The following MLC1 variants were observed in gnomAD, a reference collection of about 807,000 sequenced individuals.
MLC1 encodes modulator of VRAC current 1.
Under a neutral mutation model 44.7 loss-of-function variants are expected in MLC1, and 32 were observed. The observed-to-expected ratio is 0.72, with a 90% CI of 0.54 to 0.96. MLC1 has a LOEUF of 0.96. Among genes scored for constraint, MLC1 ranks in the 40% least tolerant of loss-of-function variants. MLC1 has a pLI of 0.00. For synonymous variants in MLC1, 190 were observed against 213.0 expected, an observed-to-expected ratio of 0.89 and a Z score of 0.94; for missense variants, 459 against 492.2, an observed-to-expected ratio of 0.93 and a Z score of 0.64.
At chr22:50,063,429 C>T (rs1449070771) in intron 11 of MLC1, among the ~76,000 whole-genome samples, 2 of 147,204 alleles carry the variant, frequency 1.4e-5, no homozygotes, top group African/African-American at 5.1e-5. Flanking sequence ...GCCGTGATCG[C>T]GCCACTGCAC....
intron 11 of MLC1, 126 bp downstream of exon 11, chr22:50,063,903 CGGCTG>C (rs2061639511): frequency 2.0e-6 from 2 of 1,002,116 alleles, no homozygotes; most frequent in Non-Finnish European, 2.8e-6. Flanking sequence ...CTCACCTCCC[CGGCTG>C]GGCACCCCTG....
chr22:50,084,626 T>G (rs1286171293), intron 2 of MLC1, 100 bp downstream of exon 2: 1 of 1,289,728 alleles, frequency 7.8e-7, no homozygotes, highest in Non-Finnish European at 1.1e-6. Flanking sequence ...GTCTGAGAGT[T>G]GCTCTCTCTG....
chr22:50,076,937 C>T, intron 6 of MLC1, 25 bp from the exon 7 acceptor site: 4 of 1,613,692 alleles, frequency 2.5e-6, no homozygotes, highest in Non-Finnish European at 3.4e-6. Context: ...AACTGTCACC[C>T]CGGGTGCACG....
chr22:50,074,607 C>T, intron 7 of MLC1: 1 of 458,934 alleles, frequency 2.2e-6, no homozygotes, highest in Non-Finnish European at 4.1e-6. Flanking sequence ...AGGGTATTGA[C>T]CTGACAGTGG....
At chr22:50,068,372 G>A in intron 10 of MLC1, 61 bp downstream of exon 10, 1 of 1,600,176 alleles carries the variant, frequency 6.2e-7, no homozygotes. Flanking sequence ...AGCCAGCAAG[G>A]GCCAGGCCAA....
At position 50,061,793 on chromosome 22, in the gene MLC1, T is replaced by G. The variant is rs902615922; in HGVS notation, c.1060-136A>C. On this transcript the variant is annotated intron_variant, in intron 11 of 11. Coordinates refer to ENST00000311597, the MANE Select transcript of MLC1 (RefSeq NM_015166.4). ...TCGAATGTGAAGGAAGTGGGGAAAC[T>G]AACCCCTGGGCCTCTGTGGAAAGAG... 7.6e-6 allele frequency: 6 copies of G among 786,714 alleles called. No individual in the cohort carries two copies. In the African/African-American group the frequency reaches 1.0e-4, roughly 13 times the overall value. 48.7% of individuals were successfully genotyped at this position (786,714 alleles called of 1,614,324 possible). A position where few individuals can be genotyped will look rare whatever the true frequency, so the allele number is the denominator to read the frequency against.
intron 11 of MLC1, among the ~76,000 whole-genome samples, chr22:50,062,193 C>T (rs1433058743): frequency 1.2e-4 from 16 of 132,784 alleles, no homozygotes; most frequent in African/African-American, 5.6e-4. Flanking sequence ...AGCCATCCAC[C>T]CTGAGCCCCA....
chr22:50,070,075 G>A (rs1057463055), intron 9 of MLC1, among the ~76,000 whole-genome samples: 15 of 151,966 alleles, frequency 9.9e-5, no homozygotes, highest in Admixed American at 2.0e-4. Context: ...GGTGGCAGGC[G>A]CCTATAATCC....
intron 7 of MLC1, among the ~76,000 whole-genome samples, chr22:50,076,364 G>A (rs1365368836): frequency 6.6e-6 from 1 of 152,100 alleles, no homozygotes; most frequent in African/African-American, 2.4e-5. Context: ...AGACCAGCCT[G>A]GCCAACATGC....
At position 50,074,188 on chromosome 22, in the gene MLC1, C is replaced by T. The variant is rs2038048; in HGVS notation, c.714+28G>A. On this transcript the variant is annotated intron_variant, in intron 8 of 11. Coordinates refer to ENST00000311597, the MANE Select transcript of MLC1 (RefSeq NM_015166.4). ...ATCTGAGCAGTGTGGCCCAGAGCGGCGGCGGGCGGGCCAGAGGGGTTACTC... is the reference window on the plus strand; with the variant it reads ...ATCTGAGCAGTGTGGCCCAGAGCGGTGGCGGGCGGGCCAGAGGGGTTACTC... The T allele has an allele frequency of 0.43, 680,727 of 1,576,360 alleles. 151,498 individuals carry two copies. Among genetic ancestry groups the T allele is most frequent in the Admixed American group, 0.47 (27,147 of 58,160 alleles).
intron 10 of MLC1, 67 bp from the exon 11 acceptor site, chr22:50,064,265 C>A: frequency 6.5e-7 from 1 of 1,533,584 alleles, no homozygotes. Flanking sequence ...CCAAAGCTCC[C>A]TCGTGCCCAC....
intron 6 of MLC1, 29 bp downstream of exon 6, chr22:50,077,371 CT>C (rs747660415): frequency 2.5e-6 from 4 of 1,599,548 alleles, no homozygotes; most frequent in Middle Eastern, 1.7e-4. Context: ...TCTGCACCCC[CT>C]GCCCTGCGGG....
chr22:50,079,369 G>C (rs912680096), intron 5 of MLC1, among the ~76,000 whole-genome samples: 9 of 151,360 alleles, frequency 5.9e-5, no homozygotes, highest in African/African-American at 1.9e-4. Flanking sequence ...TGCCCAACGA[G>C]AGTGGCCAGG....
chr22:50,084,531 A>G (rs1040352426), intron 2 of MLC1, among the ~76,000 whole-genome samples, 195 bp downstream of exon 2: 6 of 152,232 alleles, frequency 3.9e-5, no homozygotes, highest in African/African-American at 1.4e-4. Context: ...GGCACAACAG[A>G]CACCCATAAA....
chr22:50,085,158 G>A, intron 1 of MLC1, 197 bp from the exon 2 acceptor site: 1 of 1,363,968 alleles, frequency 7.3e-7, no homozygotes, highest in Non-Finnish European at 9.5e-7. Context: ...CTGGGTTCAG[G>A]GTGAGATTCT....
intron 6 of MLC1, 133 bp from the exon 7 acceptor site, chr22:50,077,045 G>A (rs1402212396): frequency 9.3e-6 from 8 of 863,308 alleles, no homozygotes; most frequent in African/African-American, 3.3e-5. Context: ...GGAGGCGCCC[G>A]TGGATCTTTG....
chr22:50,085,416 T>A lies in MLC1; in HGVS notation c.-121A>T, dbSNP rs1009872332. On this transcript the variant is annotated 5_prime_UTR_variant, in exon 1 of 12. Coordinates refer to ENST00000311597, the MANE Select transcript of MLC1 (RefSeq NM_015166.4). ...TGGGTGAGGGACTTCCAGCAAGAAG[T>A]ATTCACAAATGAAACAAAAGCTCAG... The A allele has an allele frequency of 7.7e-5, 14 of 182,370 alleles. No individual in the cohort carries two copies. Among genetic ancestry groups the A allele is most frequent in the Middle Eastern group, 2.6e-3 (1 of 380 alleles). 11.3% of individuals were successfully genotyped at this position (182,370 alleles called of 1,614,324 possible). A position where few individuals can be genotyped will look rare whatever the true frequency, so the allele number is the denominator to read the frequency against.
chr22:50,061,756 CAGA>C, intron 11 of MLC1, 99 bp from the exon 12 acceptor site: 2 of 1,117,026 alleles, frequency 1.8e-6, no homozygotes. Flanking sequence ...AGCCAGCGTT[CAGA>C]AGTTTTCTTC....
rs775062836 is a variant in MLC1, at chr22:50,084,690, C to T, written c.177+36G>A. The T allele has an allele frequency of 2.1e-5, 34 of 1,608,890 alleles. No homozygotes were observed. In the African/African-American group the frequency reaches 2.5e-4, roughly 12 times the overall value. Reference sequence around the variant, plus strand: ...TCCGTCACCAGAGGGACCAGATGCTCGTGGCCCTCCAAGGGCTTAGTGTGG... The same window carrying T: ...TCCGTCACCAGAGGGACCAGATGCTTGTGGCCCTCCAAGGGCTTAGTGTGG... On this transcript the variant is annotated intron_variant, in intron 2 of 11. Transcript: ENST00000311597.
Sources: gnomAD v4.1 joint callset for allele counts (sites outside exome capture counted in the v4.1 genomes callset) on GRCh38, gnomAD v4.1.1 for gene constraint, MANE v1.5 for transcripts, NCBI Gene and HGNC (gene_info 2026-07-23, HGNC 2026-07-21) for gene names.